DOCK2: variants seen among roughly 807,000 people sequenced by gnomAD.
DOCK2 encodes the protein dedicator of cytokinesis 2, also known as dedicator of cytokinesis protein 2.
In DOCK2, 87 loss-of-function variants were observed where a neutral mutation model predicts 248.9. The ratio of observed to expected loss-of-function variants is 0.35; its 90% CI spans 0.29 to 0.42. The LOEUF (loss-of-function observed/expected upper bound fraction) is 0.42. DOCK2 is among the 10% of genes least tolerant of loss of function. The pLI is 1.00. For synonymous variants in DOCK2, 805 were observed against 821.6 expected (o/e 0.98, Z 0.35); for missense variants, 1,747 against 2,300.2 (o/e 0.76, Z 4.92).
intron 23 of DOCK2, among the ~76,000 whole-genome samples, chr5:169,748,396 G>A (rs1034152966): frequency 6.6e-5 from 10 of 152,102 alleles, no homozygotes; most frequent in African/African-American, 2.4e-4. Flanking sequence ...CTGATGCCTG[G>A]TTACAACCAC....
chr5:169,881,562 C>T (rs940993225), intron 27 of DOCK2: 38 of 716,682 alleles, frequency 5.3e-5, no homozygotes, highest in Admixed American at 3.9e-4. Context: ...TGAAGTTGCA[C>T]GGCCATTACA....
chr5:169,678,825 A>G lies in DOCK2; in HGVS notation c.471-2919A>G, dbSNP rs1581020193. 2.1e-5 allele frequency among the ~76,000 whole-genome samples: 3 copies of G among 140,600 alleles called. No homozygotes were observed. In the South Asian group the frequency reaches 7.9e-4, roughly 37 times the overall value. The allele number at this position is 140,600 out of a possible 152,430, so 92.2% of individuals were successfully genotyped here. On this transcript the variant is annotated intron_variant, in intron 6 of 51. Coordinates refer to ENST00000520908, the MANE Select transcript of DOCK2 (RefSeq NM_004946.3). The stretch of plus-strand genomic sequence containing the variant: ...CATATACATTAGGAGTGCAGGAAGC[A>G]TGGGCAAGAAGGTTGGAGGACATGG...
At chr5:170,036,462 G>T (rs6863396) in intron 35 of DOCK2, 53 bp from the exon 36 acceptor site, 103,205 of 1,572,848 alleles carry the variant, frequency 0.066, 5,361 homozygotes, top group Middle Eastern at 0.24. Context: ...ACCCTTGACC[G>T]CTGTGATATT....
At chr5:169,749,998 G>A (rs1266183665) in intron 23 of DOCK2, among the ~76,000 whole-genome samples, 1 of 152,192 alleles carries the variant, frequency 6.6e-6, no homozygotes, top group African/African-American at 2.4e-5. Flanking sequence ...GATATCTGGA[G>A]AGAGCCAAGG....
At chr5:169,929,233 AT>A (rs1451448217) in intron 27 of DOCK2, among the ~76,000 whole-genome samples, 2 of 152,170 alleles carry the variant, frequency 1.3e-5, no homozygotes, top group Non-Finnish European at 2.9e-5. Context: ...AAGGGCCAGT[AT>A]TTTCCAATCT....
intron 44 of DOCK2, among the ~76,000 whole-genome samples, chr5:170,060,669 G>T (rs984137558): frequency 6.6e-6 from 1 of 152,202 alleles, no homozygotes; most frequent in African/African-American, 2.4e-5. Flanking sequence ...GAGAGCACCT[G>T]TCCTGTGCAG....
intron 15 of DOCK2, among the ~76,000 whole-genome samples, chr5:169,709,707 C>T (rs1437167093): frequency 5.3e-5 from 8 of 151,826 alleles, no homozygotes; most frequent in South Asian, 2.1e-4. Flanking sequence ...GGTGACAGTG[C>T]GAGACTCCTT....
chr5:169,785,451 C>A (rs1034530295), intron 25 of DOCK2, among the ~76,000 whole-genome samples: 1 of 152,028 alleles, frequency 6.6e-6, no homozygotes, highest in African/African-American at 2.4e-5. Flanking sequence ...TAGAGATTAG[C>A]ATATATAGAA....
chr5:169,945,335 T>A (rs1581455047), intron 27 of DOCK2, among the ~76,000 whole-genome samples: 1 of 149,936 alleles, frequency 6.7e-6, no homozygotes, highest in South Asian at 2.1e-4. Context: ...TTAGAAGACA[T>A]ATATAATTTT....
At chr5:169,971,380 G>A (rs1344806576) in intron 27 of DOCK2, among the ~76,000 whole-genome samples, 1 of 151,638 alleles carries the variant, frequency 6.6e-6, no homozygotes, top group East Asian at 1.9e-4. Context: ...TGGCACGTGA[G>A]CCCTAGGAAT....
At chr5:169,909,251 G>C (rs960855837) in intron 27 of DOCK2, among the ~76,000 whole-genome samples, 4 of 152,116 alleles carry the variant, frequency 2.6e-5, no homozygotes, top group Non-Finnish European at 5.9e-5. Context: ...TTTAGTTCCT[G>C]GGTCACATTA....
At chr5:169,949,389 G>A (rs1776571271) in intron 27 of DOCK2, among the ~76,000 whole-genome samples, 1 of 152,158 alleles carries the variant, frequency 6.6e-6, no homozygotes. Context: ...CCATGTTCCT[G>A]GGGCTGCCTG....
chr5:170,039,089 G>T (rs1013251958), intron 36 of DOCK2, among the ~76,000 whole-genome samples: 10 of 152,200 alleles, frequency 6.6e-5, no homozygotes, highest in African/African-American at 1.9e-4. Context: ...TCTGCTTCTG[G>T]CTCTGGCTCT....
intron 22 of DOCK2, among the ~76,000 whole-genome samples, chr5:169,723,606 G>A (rs12652482): frequency 0.44 from 66,481 of 151,826 alleles, 16,071 homozygotes; most frequent in East Asian, 0.83. Flanking sequence ...AACCACACTG[G>A]ACTTGCTGTG....
At chr5:170,076,637 C>T (rs535900029) in intron 47 of DOCK2, among the ~76,000 whole-genome samples, 110 of 152,294 alleles carry the variant, frequency 7.2e-4, no homozygotes, top group African/African-American at 2.5e-3. Context: ...CATCCTTTTC[C>T]TTATTAACTG....
chr5:170,033,911 G>A (rs1391096853), intron 34 of DOCK2, among the ~76,000 whole-genome samples: 1 of 152,116 alleles, frequency 6.6e-6, no homozygotes, highest in Non-Finnish European at 1.5e-5. Flanking sequence ...TGAATATACT[G>A]TAATTTATTT....
At chr5:169,765,068 G>GCACACA (rs764611025) in intron 25 of DOCK2, among the ~76,000 whole-genome samples, 9,358 of 79,476 alleles carry the variant, frequency 0.12, 353 homozygotes, top group African/African-American at 0.17. Context: ...GGCTCTTTTA[G>GCACACA]CGCACACACA....
intron 13 of DOCK2, 97 bp downstream of exon 13, chr5:169,700,236 T>C: frequency 6.7e-7 from 1 of 1,483,366 alleles, no homozygotes; most frequent in Admixed American, 2.3e-5. Flanking sequence ...CCTTCCTTTT[T>C]TACTGCCTCT....
chr5:170,055,431 C>A, intron 42 of DOCK2, 45 bp downstream of exon 42: 1 of 1,578,338 alleles, frequency 6.3e-7, no homozygotes, highest in Non-Finnish European at 8.7e-7. Context: ...GAAGAGAACC[C>A]ATTGGGGCCA....
Sources: gnomAD v4.1 joint callset for allele counts (sites outside exome capture counted in the v4.1 genomes callset) on GRCh38, gnomAD v4.1.1 for gene constraint, MANE v1.5 for transcripts, NCBI Gene and HGNC (gene_info 2026-07-23, HGNC 2026-07-21) for gene names.